RBMS3: variants seen among roughly 807,000 people sequenced by gnomAD.
The protein encoded by RBMS3 is RNA-binding motif, single-stranded-interacting protein 3.
In RBMS3, 27 loss-of-function variants were observed where a neutral mutation model predicts 66.8. The ratio of observed to expected loss-of-function variants is 0.40; its 90% CI spans 0.30 to 0.56. RBMS3 has a LOEUF of 0.56. Ranked by LOEUF, RBMS3 falls within the 20% of genes least tolerant of loss-of-function variation. The pLI is 0.40. For synonymous variants in RBMS3, 188 were observed against 183.0 expected, an observed-to-expected ratio of 1.03 and a Z score of -0.22; for missense variants, 513 against 549.5, an observed-to-expected ratio of 0.93 and a Z score of 0.66.
At chr3:29,712,564 C>T (rs551735108) in intron 4 of RBMS3, among the ~76,000 whole-genome samples, 26 of 152,302 alleles carry the variant, frequency 1.7e-4, no homozygotes, top group African/African-American at 6.0e-4. Context: ...CTGCCCACCT[C>T]GGACTCCCAA....
chr3:29,858,880 A>G (rs760379354), intron 6 of RBMS3, among the ~76,000 whole-genome samples: 7 of 152,152 alleles, frequency 4.6e-5, no homozygotes, highest in African/African-American at 1.7e-4. Context: ...CCGTAATACA[A>G]TTTGTCAAAA....
In RBMS3 at chr3:29,300,908, G is replaced by C. The variant is rs1280261360; in HGVS notation, c.75+19152G>C. On this transcript the variant is annotated intron_variant, in intron 1 of 14. Transcript: ENST00000383767. ...GTATTTTACAAAAGGCAATGAAACAGAAAGTTAACATTTAGGAAATCAAGG... is the reference window on the plus strand; with the variant it reads ...GTATTTTACAAAAGGCAATGAAACACAAAGTTAACATTTAGGAAATCAAGG... 2.0e-5 allele frequency among the ~76,000 whole-genome samples: 3 copies of C among 151,904 alleles called. No individual in the cohort carries two copies. The East Asian group carries it at 5.9e-4, about 30-fold the overall frequency.
rs373958071 is a variant in RBMS3, at chr3:29,702,454, C to G, written c.400-37266C>G. Among the ~76,000 whole-genome samples, 14 of 152,322 alleles carry G rather than the reference C, an allele frequency of 9.2e-5. No individual in the cohort carries two copies. In the East Asian group the frequency reaches 2.5e-3, roughly 27 times the overall value. On this transcript the variant is annotated intron_variant, in intron 4 of 14. Coordinates refer to ENST00000383767, the MANE Select transcript of RBMS3 (RefSeq NM_001003793.3). The stretch of plus-strand genomic sequence containing the variant: ...TGGGGCCAGATAAGGGAATGAAAGG[C>G]TGCCAGAGCTGGCAGTGGCAACCCG...
intron 1 of RBMS3, 117 bp from the exon 2 acceptor site, chr3:29,434,626 T>C: frequency 7.5e-7 from 1 of 1,337,198 alleles, no homozygotes; most frequent in Non-Finnish European, 1.0e-6. Flanking sequence ...TGTGTGTGTG[T>C]ATGTACGTGT....
intron 1 of RBMS3, among the ~76,000 whole-genome samples, chr3:29,355,172 C>T (rs946856420): frequency 1.3e-5 from 2 of 152,014 alleles, no homozygotes; most frequent in African/African-American, 4.8e-5. Context: ...GAATAAGGGG[C>T]CATGTCAATC....
chr3:29,688,996 G>A (rs2051858143), intron 4 of RBMS3, among the ~76,000 whole-genome samples: 2 of 152,044 alleles, frequency 1.3e-5, no homozygotes, highest in South Asian at 2.1e-4. Context: ...ACTTCACGAT[G>A]CTGTTATCTA....
intron 14 of RBMS3, among the ~76,000 whole-genome samples, chr3:30,000,444 G>T (rs897279611): frequency 1.3e-5 from 2 of 152,086 alleles, no homozygotes; most frequent in Non-Finnish European, 2.9e-5. Context: ...GTTGGTGGGA[G>T]TGTAAATTAG....
chr3:29,527,181 T>TTAAAAAAAAAA lies in RBMS3; in HGVS notation c.307+38682_307+38683insTAAAAAAAAAA, dbSNP rs1491567884. On this transcript the variant is annotated intron_variant, in intron 3 of 14. Transcript: ENST00000383767. ...TTTCAGACGTGATTGTTAGGTAGAG[T>TTAAAAAAAAAA]AAAAAAAAAAAAAAAAAAAAAAAAA... Among the ~76,000 whole-genome samples the TTAAAAAAAAAA allele has an allele frequency of 1.3e-3, 118 of 87,814 alleles. 10 individuals are homozygous for TTAAAAAAAAAA. Among genetic ancestry groups the TTAAAAAAAAAA allele is most frequent in the African/African-American group, 4.0e-3 (85 of 21,070 alleles). The allele number at this position is 87,814 out of a possible 152,430, so 57.6% of individuals were successfully genotyped here. A position where few individuals can be genotyped will look rare whatever the true frequency, so the allele number is the denominator to read the frequency against.
At chr3:29,961,994 TAA>T (rs1696487233) in intron 12 of RBMS3, among the ~76,000 whole-genome samples, 1 of 110,576 alleles carries the variant, frequency 9.0e-6, no homozygotes, top group Non-Finnish European at 2.2e-5. Flanking sequence ...TTAATATATA[TAA>T]TATATATATT....
intron 1 of RBMS3, among the ~76,000 whole-genome samples, chr3:29,287,769 C>T (rs2032484112): frequency 6.6e-6 from 1 of 151,910 alleles, no homozygotes; most frequent in Admixed American, 6.6e-5. Flanking sequence ...TCATCACTAC[C>T]ATTCATATGT....
chr3:29,427,445 T>C (rs1213828344), intron 1 of RBMS3, among the ~76,000 whole-genome samples: 1 of 152,214 alleles, frequency 6.6e-6, no homozygotes, highest in African/African-American at 2.4e-5. Flanking sequence ...TCGTGTCCAC[T>C]CTCTCACGTT....
intron 6 of RBMS3, among the ~76,000 whole-genome samples, chr3:29,813,401 T>A (rs772076104): frequency 6.6e-6 from 1 of 152,162 alleles, no homozygotes; most frequent in African/African-American, 2.4e-5. Flanking sequence ...AAAACTATGA[T>A]GTGCTGTACA....
chr3:29,559,340 A>G (rs754339811), intron 3 of RBMS3, among the ~76,000 whole-genome samples: 1 of 151,828 alleles, frequency 6.6e-6, no homozygotes, highest in Non-Finnish European at 1.5e-5. Context: ...TTATTGCACC[A>G]TAAAAGCATT....
intron 1 of RBMS3, among the ~76,000 whole-genome samples, chr3:29,371,045 C>T (rs1203295181): frequency 6.6e-6 from 1 of 152,152 alleles, no homozygotes; most frequent in African/African-American, 2.4e-5. Context: ...TTTAAGCGAT[C>T]TTTGTTTGCT....
chr3:29,332,183 A>G (rs755369632), intron 1 of RBMS3, among the ~76,000 whole-genome samples: 14 of 152,062 alleles, frequency 9.2e-5, no homozygotes, highest in Non-Finnish European at 1.9e-4. Flanking sequence ...TGACTGATTT[A>G]TCTCTTTTAA....
At chr3:29,516,198 G>T (rs1576082032) in intron 3 of RBMS3, among the ~76,000 whole-genome samples, 1 of 152,168 alleles carries the variant, frequency 6.6e-6, no homozygotes, top group African/African-American at 2.4e-5. Context: ...TTTAGCCGAG[G>T]TGTGGAGAAT....
At chr3:29,807,440 A>G (rs1314184780) in intron 6 of RBMS3, among the ~76,000 whole-genome samples, 2 of 151,992 alleles carry the variant, frequency 1.3e-5, no homozygotes, top group African/African-American at 4.8e-5. Flanking sequence ...TAAAATATGC[A>G]TAACCTATTG....
chr3:29,334,444 T>C (rs1168852927), intron 1 of RBMS3, among the ~76,000 whole-genome samples: 1 of 152,206 alleles, frequency 6.6e-6, no homozygotes, highest in African/African-American at 2.4e-5. Flanking sequence ...TGTTTGTAAA[T>C]ACTCTCGTGT....
chr3:29,550,015 A>G (rs1434368724), intron 3 of RBMS3, among the ~76,000 whole-genome samples: 1 of 152,200 alleles, frequency 6.6e-6, no homozygotes, highest in Non-Finnish European at 1.5e-5. Flanking sequence ...TGGTGGTGTC[A>G]GTTCTCATTT....
Sources: gnomAD v4.1 joint callset for allele counts (sites outside exome capture counted in the v4.1 genomes callset) on GRCh38, gnomAD v4.1.1 for gene constraint, MANE v1.5 for transcripts, NCBI Gene and HGNC (gene_info 2026-07-23, HGNC 2026-07-21) for gene names.